The following CXXC5 variants were observed in gnomAD, a reference collection of about 807,000 sequenced individuals.
CXXC5 encodes the protein CXXC-type zinc finger protein 5.
A neutral mutation model predicts 17.6 loss-of-function variants in CXXC5; 2 were observed. That is an observed-to-expected ratio of 0.11 (90% CI 0.05 to 0.36). CXXC5 has a LOEUF of 0.36. Ranked by LOEUF, CXXC5 falls within the 10% of genes least tolerant of loss-of-function variation. CXXC5 has a pLI of 1.00. For missense variants in CXXC5, 343 were observed against 458.3 expected, an observed-to-expected ratio of 0.75 and a Z score of 2.30; for synonymous variants, 171 against 193.0, an observed-to-expected ratio of 0.89 and a Z score of 0.94.
At chr5:139,660,121 G>T (rs1044456528) in intron 1 of CXXC5, among the ~76,000 whole-genome samples, 1 of 152,220 alleles carries the variant, frequency 6.6e-6, no homozygotes, top group Non-Finnish European at 1.5e-5. Flanking sequence ...AGTCCTAGAG[G>T]CAAGCTGCAT....
At position 139,670,274 on chromosome 5, in the gene CXXC5, G is replaced by C. The variant is rs550047371; in HGVS notation, c.-160-10090G>C. ...GTTTTCCAGTTTTTTCCACGCTCAG[G>C]CCAGGCAGGCGGGTAGACACTGGCC... is the stretch of plus-strand genomic sequence containing the variant. On this transcript the variant is annotated intron_variant, in intron 1 of 2. Coordinates refer to ENST00000302517, the MANE Select transcript of CXXC5 (RefSeq NM_016463.9). This position sits in a 1 kb window ranked among gnomAD's most constrained non-coding sequence, Gnocchi z 4.2. Among the ~76,000 whole-genome samples the C allele has an allele frequency of 6.6e-6, 1 of 152,246 alleles. No individual in the cohort carries two copies. Among genetic ancestry groups the C allele is most frequent in the African/African-American group, 2.4e-5 (1 of 41,460 alleles).
intron 1 of CXXC5, among the ~76,000 whole-genome samples, chr5:139,666,814 T>C (rs1756139396): frequency 6.6e-6 from 1 of 152,154 alleles, no homozygotes; most frequent in African/African-American, 2.4e-5. Flanking sequence ...GGAAGAGCAG[T>C]GAGCTGACTG....
chr5:139,650,615 A>C (rs952570412), intron 1 of CXXC5, among the ~76,000 whole-genome samples: 2 of 152,126 alleles, frequency 1.3e-5, no homozygotes, highest in African/African-American at 4.8e-5. Flanking sequence ...CAGCTGCCCC[A>C]GGCCGCGGGG....
intron 1 of CXXC5, among the ~76,000 whole-genome samples, chr5:139,667,459 G>A (rs968366336): frequency 6.6e-6 from 1 of 152,188 alleles, no homozygotes; most frequent in Non-Finnish European, 1.5e-5. Flanking sequence ...GGGGCATAGG[G>A]CTCTTGTGCC....
chr5:139,660,912 AG>A (rs1755767159), intron 1 of CXXC5, among the ~76,000 whole-genome samples: 1 of 116,304 alleles, frequency 8.6e-6, no homozygotes, highest in Non-Finnish European at 1.6e-5. Flanking sequence ...CTGTCCCCTG[AG>A]GGGCAGCTTG....
At chr5:139,678,590 C>T (rs932792598) in intron 1 of CXXC5, among the ~76,000 whole-genome samples, 16 of 152,348 alleles carry the variant, frequency 1.1e-4, no homozygotes, top group African/African-American at 3.8e-4. Context: ...CCTTTCCCCA[C>T]ACCCGGTCCT....
Position 139,682,860 on chromosome 5 carries a change from C to T in CXXC5, c.925-3C>T. 6.3e-7 allele frequency: 1 copy of T among 1,594,158 alleles called. No individual in the cohort carries two copies. The highest frequency in any genetic ancestry group is 8.5e-7 in the Non-Finnish European group (1 of 1,170,204). On this transcript the variant is annotated splice_polypyrimidine_tract_variant and splice_region_variant and intron_variant, in intron 2 of 2. Transcript: ENST00000302517. ...CCTTGTTTTTGTCTCCCGCCCCCGC[C>T]AGAAGGTGATGCTTCCGACGGGAGC... is the stretch of plus-strand genomic sequence containing the variant.
intron 1 of CXXC5, among the ~76,000 whole-genome samples, chr5:139,652,905 G>C (rs933193863): frequency 6.6e-6 from 1 of 152,190 alleles, no homozygotes; most frequent in Admixed American, 6.5e-5. Context: ...TGAGTAGAGT[G>C]TGTCTGAATT....
chr5:139,667,109 T>G (rs1158887477), intron 1 of CXXC5, among the ~76,000 whole-genome samples: 1 of 152,204 alleles, frequency 6.6e-6, no homozygotes, highest in Non-Finnish European at 1.5e-5. Flanking sequence ...CTGGGCACTT[T>G]GCATCCCTGT....
At chr5:139,682,317 T>A (rs1299238296) in intron 2 of CXXC5, among the ~76,000 whole-genome samples, 1 of 122,444 alleles carries the variant, frequency 8.2e-6, no homozygotes, top group Non-Finnish European at 1.7e-5. Context: ...CTGGTTACCC[T>A]CCCCCAACCC....
At chr5:139,663,000 TG>T (rs1437492464) in intron 1 of CXXC5, among the ~76,000 whole-genome samples, 1 of 152,172 alleles carries the variant, frequency 6.6e-6, no homozygotes, top group Non-Finnish European at 1.5e-5. Context: ...GGCATTTTTC[TG>T]GGGGTGGCAT....
chr5:139,657,939 A>C (rs1755576736), intron 1 of CXXC5, among the ~76,000 whole-genome samples: 1 of 137,394 alleles, frequency 7.3e-6, no homozygotes, highest in Non-Finnish European at 1.6e-5. Context: ...CCCACCACCC[A>C]CTCTCACTCT....
intron 1 of CXXC5, 77 bp downstream of exon 1, chr5:139,648,922 C>A (rs920075911): frequency 4.0e-5 from 6 of 151,290 alleles, no homozygotes; most frequent in African/African-American, 1.5e-4. Context: ...ACCTCCCTCT[C>A]CTCCCCCGGG....
At chr5:139,682,531 G>A (rs969202647) in intron 2 of CXXC5, among the ~76,000 whole-genome samples, 2 of 152,144 alleles carry the variant, frequency 1.3e-5, no homozygotes, top group African/African-American at 2.4e-5. Context: ...ATGCACACCC[G>A]TCGCACGTGC....
Position 139,683,636 on chromosome 5 carries a change from G to A in CXXC5, c.*729G>A, listed in dbSNP as rs903622245. The A allele has an allele frequency of 6.6e-6, 1 of 152,500 alleles. No homozygotes were observed. The highest frequency in any genetic ancestry group is 2.4e-5 in the African/African-American group (1 of 41,448). 9.4% of individuals were successfully genotyped at this position (152,500 alleles called of 1,614,324 possible). On this transcript the variant is annotated 3_prime_UTR_variant, in exon 3 of 3. Coordinates refer to ENST00000302517, the MANE Select transcript of CXXC5 (RefSeq NM_016463.9). ...ATTGCGATCTGGGGAGCCCCATCTCGATATTTCCAATCCTGGCTACTTTTC... is the reference window on the plus strand; with the variant it reads ...ATTGCGATCTGGGGAGCCCCATCTCAATATTTCCAATCCTGGCTACTTTTC...
rs971910709 is a variant in CXXC5, at chr5:139,668,094, C to G, written c.-160-12270C>G. On this transcript the variant is annotated intron_variant, in intron 1 of 2. Coordinates refer to ENST00000302517, the MANE Select transcript of CXXC5 (RefSeq NM_016463.9). The surrounding 1 kb of genome is among the most constrained non-coding windows in gnomAD (Gnocchi z 4.1). ...CTGGGCCTGCGGCACCCTCCCCAAC[C>G]TCAGGTAGGGGGCCTGGCCCGAGGC... Among the ~76,000 whole-genome samples, 1 of 152,166 alleles carries G rather than the reference C, an allele frequency of 6.6e-6. No homozygotes were observed. The highest frequency in any genetic ancestry group is 6.5e-5 in the Admixed American group (1 of 15,284).
At chr5:139,660,962 G>C (rs1226993235) in intron 1 of CXXC5, among the ~76,000 whole-genome samples, 1 of 142,890 alleles carries the variant, frequency 7.0e-6, no homozygotes, top group Non-Finnish European at 1.5e-5. Flanking sequence ...AAGATGACCC[G>C]ATAGGCTTTT....
chr5:139,654,270 C>A (rs541049116), intron 1 of CXXC5, among the ~76,000 whole-genome samples: 2 of 152,324 alleles, frequency 1.3e-5, no homozygotes, highest in East Asian at 3.9e-4. Flanking sequence ...CTAACCTCCA[C>A]CCAGACAAGT....
At chr5:139,662,444 A>T (rs147673169) in intron 1 of CXXC5, among the ~76,000 whole-genome samples, 1 of 152,286 alleles carries the variant, frequency 6.6e-6, no homozygotes, top group East Asian at 1.9e-4. Context: ...CTGCCAAAAA[A>T]AAAGCCGTTT....
Sources: gnomAD v4.1 joint callset for allele counts (sites outside exome capture counted in the v4.1 genomes callset) on GRCh38, gnomAD v4.1.1 for gene constraint, Gnocchi (gnomAD v3.1) non-coding constraint, MANE v1.5 for transcripts, NCBI Gene and HGNC (gene_info 2026-07-23, HGNC 2026-07-21) for gene names.